Variants in CACNA1C observed in about 807,000 individuals in gnomAD.
CACNA1C encodes voltage-dependent L-type calcium channel subunit alpha-1C.
CACNA1C carries 30 observed loss-of-function variants against 229.0 expected under a neutral mutation model. That is an observed-to-expected ratio of 0.13 (90% confidence interval 0.10 to 0.18). The LOEUF (loss-of-function observed/expected upper bound fraction) is 0.18. Ranked by LOEUF, CACNA1C falls within the 10% of genes least tolerant of loss-of-function variation. CACNA1C has a pLI of 1.00. For missense variants in CACNA1C, 1,658 were observed against 2,845.0 expected, an observed-to-expected ratio of 0.58 and a Z score of 9.49; for synonymous variants, 1,114 against 1,132.5, an observed-to-expected ratio of 0.98 and a Z score of 0.33.
At chr12:2,618,201 C>A (rs1485302144) in intron 29 of CACNA1C, among the ~76,000 whole-genome samples, 3 of 152,196 alleles carry the variant, frequency 2.0e-5, no homozygotes, top group African/African-American at 7.2e-5. Flanking sequence ...GTTGGGAGGG[C>A]ACCCTCAGCA....
intron 2 of CACNA1C, 66 bp downstream of exon 2, chr12:2,115,611 C>A: frequency 6.7e-7 from 1 of 1,495,098 alleles, no homozygotes; most frequent in South Asian, 1.1e-5. Context: ...CCCTCCGAGG[C>A]TCCCTGGGCC....
chr12:2,368,530 T>C (rs1156379379), intron 3 of CACNA1C, among the ~76,000 whole-genome samples: 1 of 152,216 alleles, frequency 6.6e-6, no homozygotes, highest in Non-Finnish European at 1.5e-5. Context: ...TTACAACAAT[T>C]ACAAAACTTT....
rs1428536086 is a variant in CACNA1C at position 2,504,392 on chromosome 12, C to A, written c.1114-450C>A. 1.1e-5 allele frequency: 13 copies of A among 1,163,192 alleles called. No individual in the cohort carries two copies. Among genetic ancestry groups the A allele is most frequent in the Non-Finnish European group, 1.7e-5 (13 of 769,584 alleles). 72.1% of individuals were successfully genotyped at this position (1,163,192 alleles called of 1,614,324 possible). On this transcript the variant is annotated intron_variant, in intron 7 of 46. Transcript: ENST00000399655. This position sits in a 1 kb window ranked among gnomAD's most constrained non-coding sequence, Gnocchi z 6.8. ...CCTGCTGCCTGCCTCTTTGCTGTAA[C>A]CCAATTCTGCTTCTTCTTTCCTAAC...
In CACNA1C at chr12:2,362,818, T is replaced by TGGCCCAGCCCAGATTCTA. The variant is rs1263720685; in HGVS notation, c.478-86149_478-86132dup. 5.3e-5 allele frequency among the ~76,000 whole-genome samples: 8 copies of TGGCCCAGCCCAGATTCTA among 152,274 alleles called. No homozygotes were observed. In the South Asian group the frequency reaches 1.7e-3, roughly 32 times the overall value. On this transcript the variant is annotated intron_variant, in intron 3 of 46. Coordinates refer to ENST00000399655, the MANE Select transcript of CACNA1C (RefSeq NM_000719.7). ...GATGGCTCAGCCCCAGGTGCACACA[T>TGGCCCAGCCCAGATTCTA]GGCCCAGCCCAGATTCTAGGCCCAG... is the stretch of plus-strand genomic sequence containing the variant.
At chr12:1,983,748 G>C (rs1395756956) in intron 1 of CACNA1C, among the ~76,000 whole-genome samples, 1 of 151,932 alleles carries the variant, frequency 6.6e-6, no homozygotes, top group Non-Finnish European at 1.5e-5. Flanking sequence ...AGTTGATAGT[G>C]TTGTTCAAGT....
rs1223330862 is a variant in CACNA1C at position 2,602,629 on chromosome 12, CTTGT to C, written c.2960+670_2960+673del. On this transcript the variant is annotated intron_variant, in intron 22 of 46. Transcript: ENST00000399655. The surrounding 1 kb of genome is among the most constrained non-coding windows in gnomAD (Gnocchi z 4.4). ...TGTGTGTGACTGTGTATATTTGTGTCTTGTGTGTGTGTGTGTGTGTGTGTGTGTG... is the reference window on the plus strand; with the variant it reads ...TGTGTGTGACTGTGTATATTTGTGTCGTGTGTGTGTGTGTGTGTGTGTGTG... Among the ~76,000 whole-genome samples the C allele has an allele frequency of 4.6e-3, 406 of 87,834 alleles. 4 individuals are homozygous for C. The highest frequency in any genetic ancestry group is 0.016 in the African/African-American group (391 of 24,434). 57.6% of individuals were successfully genotyped at this position (87,834 alleles called of 152,430 possible).
intron 3 of CACNA1C, among the ~76,000 whole-genome samples, chr12:2,208,526 T>C (rs979335227): frequency 2.0e-5 from 3 of 152,154 alleles, no homozygotes; most frequent in Admixed American, 1.3e-4. Flanking sequence ...TGGAGCCCTC[T>C]GTCCCCTAGG....
At chr12:2,179,940 C>G (rs1054136936) in intron 3 of CACNA1C, among the ~76,000 whole-genome samples, 3 of 152,354 alleles carry the variant, frequency 2.0e-5, no homozygotes, top group African/African-American at 7.2e-5. Context: ...GATCATTTCT[C>G]TTCATCTGAC....
rs548935858 is a variant in CACNA1C, at chr12:2,589,725, GT to G, written c.2531-3487del. ...TGAGCGGTGTGAATAAAGAGCAGTG[GT>G]GTTCGAGAGCAGAATGGGGGCAGGG... is the stretch of plus-strand genomic sequence containing the variant. On this transcript the variant is annotated intron_variant, in intron 18 of 46. Coordinates refer to ENST00000399655, the MANE Select transcript of CACNA1C (RefSeq NM_000719.7). 6.9e-5 allele frequency among the ~76,000 whole-genome samples: 10 copies of G among 145,382 alleles called. No homozygotes were observed. In the South Asian group the frequency reaches 2.1e-3, roughly 31 times the overall value.
At chr12:2,302,711 G>A (rs552638619) in intron 3 of CACNA1C, among the ~76,000 whole-genome samples, 3 of 152,302 alleles carry the variant, frequency 2.0e-5, no homozygotes, top group South Asian at 4.1e-4. Flanking sequence ...AATGTATCCA[G>A]AACTATTTTT....
At chr12:2,041,672 A>G (rs980364956) in intron 1 of CACNA1C, among the ~76,000 whole-genome samples, 4 of 152,228 alleles carry the variant, frequency 2.6e-5, no homozygotes, top group African/African-American at 7.2e-5. Context: ...AACCCCAAGA[A>G]GGGAGGCATC....
intron 5 of CACNA1C, among the ~76,000 whole-genome samples, chr12:2,473,150 T>C (rs780114819): frequency 1.2e-4 from 18 of 152,212 alleles, no homozygotes; most frequent in Non-Finnish European, 2.1e-4. Context: ...CCAGCACTGA[T>C]TAACCTGTAC....
At chr12:2,078,206 A>C (rs151057246) in intron 1 of CACNA1C, among the ~76,000 whole-genome samples, 3,105 of 152,306 alleles carry the variant, frequency 0.02, 39 homozygotes, top group South Asian at 0.065. Flanking sequence ...GAGGACACAG[A>C]GAGAAGGTGG....
At chr12:2,364,822 G>A (rs2097681002) in intron 3 of CACNA1C, among the ~76,000 whole-genome samples, 1 of 152,200 alleles carries the variant, frequency 6.6e-6, no homozygotes, top group Non-Finnish European at 1.5e-5. Context: ...GACACCTCAG[G>A]AAGCACAAAG....
At chr12:2,179,021 C>T (rs1360282449) in intron 3 of CACNA1C, among the ~76,000 whole-genome samples, 1 of 152,124 alleles carries the variant, frequency 6.6e-6, no homozygotes, top group Non-Finnish European at 1.5e-5. Context: ...GTGATTGCAC[C>T]ACTGCACTGC....
intron 3 of CACNA1C, among the ~76,000 whole-genome samples, chr12:2,188,684 T>C (rs1566243468): frequency 6.6e-6 from 1 of 152,230 alleles, no homozygotes; most frequent in Non-Finnish European, 1.5e-5. Context: ...TCAGGTCCTC[T>C]AATCTCCTAT....
chr12:2,638,032 T>C (rs1219604766), intron 30 of CACNA1C, among the ~76,000 whole-genome samples: 1 of 152,206 alleles, frequency 6.6e-6, no homozygotes, highest in African/African-American at 2.4e-5. Flanking sequence ...TCTCACTTCC[T>C]ATACGTCAGG....
chr12:2,651,356 C>T lies in CACNA1C; in HGVS notation c.3946-284C>T, dbSNP rs994486305. 7.4e-6 allele frequency: 4 copies of T among 540,394 alleles called. No individual in the cohort carries two copies. The highest frequency in any genetic ancestry group is 3.1e-5 in the Admixed American group (1 of 32,016). 33.5% of individuals were successfully genotyped at this position (540,394 alleles called of 1,614,324 possible). A position where few individuals can be genotyped will look rare whatever the true frequency, so the allele number is the denominator to read the frequency against. On this transcript the variant is annotated intron_variant, in intron 31 of 46. Coordinates refer to ENST00000399655, the MANE Select transcript of CACNA1C (RefSeq NM_000719.7). The surrounding 1 kb of genome is among the most constrained non-coding windows in gnomAD (Gnocchi z 5.4). ...CTGATGGAGTCGTCTGTCCTCCATC[C>T]AGGGCATTAAGAACTAGGAATGAAG...
At chr12:2,574,114 C>G (rs2057456721) in intron 13 of CACNA1C, among the ~76,000 whole-genome samples, 1 of 152,200 alleles carries the variant, frequency 6.6e-6, no homozygotes. Flanking sequence ...CTGTACTAGA[C>G]TGTAAGAAAA....
Sources: gnomAD v4.1 joint callset for allele counts (sites outside exome capture counted in the v4.1 genomes callset) on GRCh38, gnomAD v4.1.1 for gene constraint, Gnocchi (gnomAD v3.1) non-coding constraint, MANE v1.5 for transcripts, NCBI Gene and HGNC (gene_info 2026-07-23, HGNC 2026-07-21) for gene names.